The following LAMA2 variants were observed in gnomAD, a reference collection of about 807,000 sequenced individuals.
LAMA2 encodes the protein laminin subunit alpha 2.
In LAMA2, 269 loss-of-function variants were observed where a neutral mutation model predicts 364.8. That is an observed-to-expected ratio of 0.74 (90% CI 0.67 to 0.82). The LOEUF (loss-of-function observed/expected upper bound fraction) is 0.82. Among genes scored for constraint, LAMA2 ranks in the 40% least tolerant of loss-of-function variants. The pLI is 0.00. For missense variants in LAMA2, 3,807 were observed against 3,873.2 expected (o/e 0.98, Z 0.45); for synonymous variants, 1,379 against 1,370.6 (o/e 1.01, Z -0.14).
At chr6:128,983,420 A>G (rs1783020355) in intron 1 of LAMA2, among the ~76,000 whole-genome samples, 1 of 152,198 alleles carries the variant, frequency 6.6e-6, no homozygotes. Context: ...TCTTTGATGA[A>G]TAATGAGATT....
At chr6:129,187,795 A>G (rs969946709) in intron 10 of LAMA2, among the ~76,000 whole-genome samples, 4 of 151,862 alleles carry the variant, frequency 2.6e-5, no homozygotes, top group Non-Finnish European at 5.9e-5. Flanking sequence ...ATTCCATTTG[A>G]GCATCATATA....
At position 128,935,222 on chromosome 6, in the gene LAMA2, C is replaced by G. The variant is rs143337134; in HGVS notation, c.112+51865C>G. Among the ~76,000 whole-genome samples, 174 of 139,900 alleles carry G rather than the reference C, an allele frequency of 1.2e-3. 2 individuals are homozygous for G. The East Asian group carries it at 0.034, about 28-fold the overall frequency. 91.8% of individuals were successfully genotyped at this position (139,900 alleles called of 152,430 possible). On this transcript the variant is annotated intron_variant, in intron 1 of 64. Coordinates refer to ENST00000421865, the MANE Select transcript of LAMA2 (RefSeq NM_000426.4). ...ATGCTATCCCTCCCCCAGCCCCACA[C>G]CCCCCCCAACAGACCCCAATGTGTA...
At chr6:128,906,738 A>G (rs1315453921) in intron 1 of LAMA2, among the ~76,000 whole-genome samples, 1 of 151,846 alleles carries the variant, frequency 6.6e-6, no homozygotes, top group East Asian at 1.9e-4. Flanking sequence ...GGTACTGCCT[A>G]GGTTTTCTTC....
intron 8 of LAMA2, among the ~76,000 whole-genome samples, chr6:129,157,188 C>T (rs1032449929): frequency 4.6e-5 from 7 of 152,120 alleles, no homozygotes; most frequent in Admixed American, 3.9e-4. Flanking sequence ...CAGAAAGCAC[C>T]GTTTTATGAA....
intron 1 of LAMA2, among the ~76,000 whole-genome samples, chr6:128,986,726 T>G (rs907459156): frequency 1.3e-5 from 2 of 151,940 alleles, no homozygotes; most frequent in Non-Finnish European, 2.9e-5. Context: ...TCAAATTACC[T>G]TTTTTTAAAA....
intron 1 of LAMA2, among the ~76,000 whole-genome samples, chr6:128,968,056 A>G (rs957337944): frequency 6.6e-6 from 1 of 152,140 alleles, no homozygotes; most frequent in Non-Finnish European, 1.5e-5. Flanking sequence ...CTACAGATCA[A>G]AATGCATTTA....
chr6:129,224,510 G>A (rs563030471), intron 12 of LAMA2, among the ~76,000 whole-genome samples: 11 of 152,094 alleles, frequency 7.2e-5, no homozygotes, highest in Non-Finnish European at 1.6e-4. Context: ...ATTATTTTGA[G>A]ATACATCCCA....
intron 12 of LAMA2, among the ~76,000 whole-genome samples, chr6:129,222,600 T>A (rs1783938536): frequency 6.6e-6 from 1 of 151,064 alleles, no homozygotes; most frequent in Admixed American, 6.6e-5. Context: ...ATGTTTAGTT[T>A]GTTGTCCTTG....
intron 1 of LAMA2, among the ~76,000 whole-genome samples, chr6:128,983,431 T>C (rs918658085): frequency 2.0e-5 from 3 of 152,220 alleles, no homozygotes; most frequent in Non-Finnish European, 2.9e-5. Flanking sequence ...TAATGAGATT[T>C]AACTTTTTCC....
intron 1 of LAMA2, among the ~76,000 whole-genome samples, chr6:128,931,412 TCTGA>T (rs1393432862): frequency 6.6e-6 from 1 of 152,196 alleles, no homozygotes; most frequent in African/African-American, 2.4e-5. Flanking sequence ...ATGTTGAATA[TCTGA>T]ATGAATGAAT....
In LAMA2 at chr6:129,514,483, CA is replaced by C; in HGVS notation, c.9102del (p.Lys3034AsnfsTer45). On this transcript the variant is annotated frameshift_variant, in exon 64 of 65. Transcript: ENST00000421865. LOFTEE classifies it high-confidence loss of function. ...GGCATAAAGTCACTGCCAACAAGATCAAACACCGCATTGAGCTCACAGTCGA... is the reference window on the plus strand; with the variant it reads ...GGCATAAAGTCACTGCCAACAAGATCAACACCGCATTGAGCTCACAGTCGA... ...QWHKVTANKI[K>X]HRIELTVDGN... 1 of 1,614,062 alleles carries C rather than the reference CA, an allele frequency of 6.2e-7. No individual in the cohort carries two copies. Among genetic ancestry groups the C allele is most frequent in the Non-Finnish European group, 8.5e-7 (1 of 1,179,976 alleles).
chr6:129,279,007 C>T lies in LAMA2; in HGVS notation c.2451-1054C>T, dbSNP rs545905893. Among the ~76,000 whole-genome samples the T allele has an allele frequency of 1.7e-4, 26 of 152,208 alleles. No individual in the cohort carries two copies. In the East Asian group the frequency reaches 4.8e-3, roughly 28 times the overall value. On this transcript the variant is annotated intron_variant, in intron 17 of 64. Coordinates refer to ENST00000421865, the MANE Select transcript of LAMA2 (RefSeq NM_000426.4). ...TGTCAGGAGCAGGATCAAATCAGGA[C>T]TTGGAATGTTTAATTTGTTGTTATG...
intron 20 of LAMA2, among the ~76,000 whole-genome samples, chr6:129,296,622 G>T (rs1375472276): frequency 6.6e-6 from 1 of 151,568 alleles, no homozygotes; most frequent in Admixed American, 6.6e-5. Flanking sequence ...ATATAATGAG[G>T]CTTATTAATT....
At chr6:129,021,242 T>A (rs1372177988) in intron 1 of LAMA2, among the ~76,000 whole-genome samples, 1 of 152,220 alleles carries the variant, frequency 6.6e-6, no homozygotes, top group Non-Finnish European at 1.5e-5. Flanking sequence ...GGGCAAAATG[T>A]TGACTTATTT....
At chr6:128,943,404 C>T (rs1780291067) in intron 1 of LAMA2, among the ~76,000 whole-genome samples, 1 of 151,866 alleles carries the variant, frequency 6.6e-6, no homozygotes, top group African/African-American at 2.4e-5. Context: ...ATGCCTCAGC[C>T]TTCTGAGTGG....
chr6:128,900,699 T>C (rs1777034409), intron 1 of LAMA2, among the ~76,000 whole-genome samples: 1 of 152,218 alleles, frequency 6.6e-6, no homozygotes. Flanking sequence ...AACAGCTATT[T>C]AAAATACGCC....
Position 129,369,889 on chromosome 6 carries a change from C to T in LAMA2, c.4861-3C>T. 3 of 1,613,428 alleles carry T rather than the reference C, an allele frequency of 1.9e-6. No individual in the cohort carries two copies. The highest frequency in any genetic ancestry group is 1.7e-6 in the Non-Finnish European group (2 of 1,179,410). ...AATGTTTATGGGATGGAATCTTTTT[C>T]AGCACTTGCTGTCACCTCAGCGGGC... On this transcript the variant is annotated splice_region_variant and splice_polypyrimidine_tract_variant and intron_variant, in intron 33 of 64. Transcript: ENST00000421865.
chr6:128,894,664 A>G (rs1343587800), intron 1 of LAMA2, among the ~76,000 whole-genome samples: 1 of 152,234 alleles, frequency 6.6e-6, no homozygotes, highest in Non-Finnish European at 1.5e-5. Flanking sequence ...AGATGTACCC[A>G]AGATTTAATA....
intron 10 of LAMA2, among the ~76,000 whole-genome samples, chr6:129,189,645 T>G (rs1027274890): frequency 2.0e-5 from 3 of 152,116 alleles, no homozygotes; most frequent in Non-Finnish European, 2.9e-5. Flanking sequence ...GCTTTCTACT[T>G]TATCTGATCT....
Sources: allele counts gnomAD v4.1 joint callset (sites outside exome capture counted in the v4.1 genomes callset), GRCh38; gene constraint gnomAD v4.1.1; transcripts MANE v1.5; gene names NCBI Gene and HGNC (gene_info 2026-07-23, HGNC 2026-07-21).